The following IL1RAPL1 variants were observed in gnomAD, a reference collection of about 807,000 sequenced individuals.
IL1RAPL1 encodes interleukin 1 receptor accessory protein like 1, also known as interleukin-1 receptor accessory protein-like 1.
Under a neutral mutation model 48.4 loss-of-function variants are expected in IL1RAPL1, and 3 were observed. That is an observed-to-expected ratio of 0.06 (90% CI 0.03 to 0.16). The LOEUF is 0.16. Ranked by LOEUF, IL1RAPL1 falls within the 10% of genes least tolerant of loss-of-function variation. The pLI, the probability that IL1RAPL1 is intolerant of heterozygous loss-of-function variation, is 1.00. For synonymous variants in IL1RAPL1, 185 were observed against 187.7 expected, an observed-to-expected ratio of 0.99 and a Z score of 0.12; for missense variants, 349 against 530.6, an observed-to-expected ratio of 0.66 and a Z score of 3.36.
At chrX:29,486,020 G>A (rs376273988) in intron 5 of IL1RAPL1, among the ~76,000 whole-genome samples, 2 of 111,337 alleles carry the variant, frequency 1.8e-5, no homozygotes, top group East Asian at 5.7e-4. Flanking sequence ...ATTTGTACCC[G>A]AAGCTCCAGG....
Position 29,396,401 on chromosome X carries a change from A to G in IL1RAPL1, c.506A>G (p.Asp169Gly). 4.1e-6 allele frequency: 5 copies of G among 1,211,572 alleles called. No individual in the cohort carries two copies. Among genetic ancestry groups the G allele is most frequent in the Non-Finnish European group, 5.6e-6 (5 of 895,239 alleles). Residue 169 changes from aspartate to glycine, a missense_variant, in exon 4 of 11, where the codon GAT becomes GGT. Transcript: ENST00000378993. ...GAAATTTCATGCCGTGACATAGAGG[A>G]TTTTCTACTGCCAACCAGAGAACCT... ...SKEISCRDIE[D>G]FLLPTREPEI...
intron 1 of IL1RAPL1, among the ~76,000 whole-genome samples, chrX:28,615,912 A>C (rs921620166): frequency 8.9e-6 from 1 of 112,218 alleles, no homozygotes; most frequent in Non-Finnish European, 1.9e-5. Flanking sequence ...TTCAAGCTGC[A>C]TTAAACTAAA....
intron 1 of IL1RAPL1, among the ~76,000 whole-genome samples, chrX:28,637,455 A>T (rs1385097801): frequency 8.9e-6 from 1 of 111,826 alleles, no homozygotes; most frequent in Non-Finnish European, 1.9e-5. Flanking sequence ...GAATAATGTA[A>T]GCTTCATGCA....
chrX:29,521,821 T>C (rs1935506184), intron 5 of IL1RAPL1, among the ~76,000 whole-genome samples: 1 of 112,211 alleles, frequency 8.9e-6, no homozygotes, highest in Admixed American at 9.5e-5. Context: ...ACATTTCTTA[T>C]AGTGTAATCA....
At chrX:29,662,441 TTG>T (rs1223265008) in intron 5 of IL1RAPL1, among the ~76,000 whole-genome samples, 1 of 112,240 alleles carries the variant, frequency 8.9e-6, no homozygotes, top group Non-Finnish European at 1.9e-5. Flanking sequence ...TGGCATTATA[TTG>T]TGTGTGTATC....
At position 29,853,404 on chromosome X, in the gene IL1RAPL1, G is replaced by T. The variant is rs193132575; in HGVS notation, c.779-64060G>T. On this transcript the variant is annotated intron_variant, in intron 6 of 10. Transcript: ENST00000378993. ...GCTCAAGAGGAGGAGGCTTTAGTAAGCCGTGATTGCACAAACGCACTCCAG... is the reference window on the plus strand; with the variant it reads ...GCTCAAGAGGAGGAGGCTTTAGTAATCCGTGATTGCACAAACGCACTCCAG... Among the ~76,000 whole-genome samples the T allele has an allele frequency of 1.4e-3, 158 of 110,370 alleles. 2 individuals carry two copies. The highest frequency in any genetic ancestry group is 4.8e-3 in the African/African-American group (146 of 30,377).
At chrX:29,326,480 A>G (rs978082274) in intron 3 of IL1RAPL1, among the ~76,000 whole-genome samples, 1 of 112,608 alleles carries the variant, frequency 8.9e-6, no homozygotes, top group Non-Finnish European at 1.9e-5. Context: ...CATTGTATGC[A>G]TTGTTCTATT....
At chrX:28,978,614 A>G (rs908614888) in intron 2 of IL1RAPL1, among the ~76,000 whole-genome samples, 5 of 111,888 alleles carry the variant, frequency 4.5e-5, no homozygotes, top group Admixed American at 9.5e-5. Flanking sequence ...GAGTAAGATT[A>G]CTGAGTCATA....
chrX:29,482,895 A>C (rs1344192133), intron 5 of IL1RAPL1, among the ~76,000 whole-genome samples: 2 of 112,082 alleles, frequency 1.8e-5, no homozygotes, highest in African/African-American at 3.2e-5. Flanking sequence ...TAATGGTCTT[A>C]AAGTGAAGAG....
intron 1 of IL1RAPL1, among the ~76,000 whole-genome samples, chrX:28,703,041 A>G (rs773157911): frequency 1.8e-4 from 20 of 111,548 alleles, no homozygotes; most frequent in Non-Finnish European, 3.4e-4. Flanking sequence ...CTTATGCCCA[A>G]TTCTCTTGCC....
intron 5 of IL1RAPL1, among the ~76,000 whole-genome samples, chrX:29,657,669 T>C (rs1431296039): frequency 8.9e-6 from 1 of 111,822 alleles, no homozygotes; most frequent in Non-Finnish European, 1.9e-5. Flanking sequence ...TTTATCCTTT[T>C]TCATTTATGA....
chrX:28,654,683 T>A (rs1934730329), intron 1 of IL1RAPL1, among the ~76,000 whole-genome samples: 1 of 112,004 alleles, frequency 8.9e-6, no homozygotes. Context: ...AAGGAAAGTA[T>A]AAACATTTGT....
intron 2 of IL1RAPL1, among the ~76,000 whole-genome samples, chrX:29,201,422 T>TA (rs1369110733): frequency 3.6e-5 from 4 of 110,365 alleles, no homozygotes; most frequent in Admixed American, 9.7e-5. Flanking sequence ...GTAACACATT[T>TA]AAAAAAAAAT....
chrX:29,657,643 T>C (rs1569139230), intron 5 of IL1RAPL1, among the ~76,000 whole-genome samples: 1 of 111,938 alleles, frequency 8.9e-6, no homozygotes, highest in Non-Finnish European at 1.9e-5. Context: ...GATAAGCATT[T>C]CTAAATAACT....
At chrX:28,766,578 A>G (rs1276460317) in intron 1 of IL1RAPL1, among the ~76,000 whole-genome samples, 1 of 110,750 alleles carries the variant, frequency 9.0e-6, no homozygotes, top group Non-Finnish European at 1.9e-5. Context: ...TAAAATGTAC[A>G]ATTAAGTTAT....
chrX:28,816,496 T>G (rs1936873219), intron 2 of IL1RAPL1, among the ~76,000 whole-genome samples: 1 of 110,726 alleles, frequency 9.0e-6, no homozygotes, highest in African/African-American at 3.3e-5. Context: ...GAGCATGCAG[T>G]TTTTGGTTTT....
intron 6 of IL1RAPL1, among the ~76,000 whole-genome samples, chrX:29,806,525 A>T (rs2147175076): frequency 9.0e-6 from 1 of 110,989 alleles, no homozygotes; most frequent in South Asian, 3.8e-4. Context: ...TTTTAAAGTA[A>T]TATAGGAGGA....
intron 6 of IL1RAPL1, among the ~76,000 whole-genome samples, chrX:29,791,010 T>G (rs1929616450): frequency 9.0e-6 from 1 of 110,724 alleles, no homozygotes; most frequent in Non-Finnish European, 1.9e-5. Context: ...ACCTTGACTC[T>G]TGGTCATCTC....
rs1569172812 is a variant in IL1RAPL1, at chrX:29,802,803, A to ATGTG, written c.779-114660_779-114659insGTGT. On this transcript the variant is annotated intron_variant, in intron 6 of 10. Transcript: ENST00000378993. The stretch of plus-strand genomic sequence containing the variant: ...TATATGTGTGTGTGTATATATATAT[A>ATGTG]TATATATGTGTGTATATATATGTAT... Among the ~76,000 whole-genome samples, 26 of 60,315 alleles carry ATGTG rather than the reference A, an allele frequency of 4.3e-4. 1 individual carries two copies. The highest frequency in any genetic ancestry group is 2.4e-3 in the African/African-American group (25 of 10,358). The allele number at this position is 60,315 out of a possible 115,157, so 52.4% of individuals were successfully genotyped here.
Sources: allele counts gnomAD v4.1 joint callset (sites outside exome capture counted in the v4.1 genomes callset), GRCh38; gene constraint gnomAD v4.1.1; transcripts MANE v1.5; gene names NCBI Gene and HGNC (gene_info 2026-07-23, HGNC 2026-07-21).